Variants in RNF19B observed in about 807,000 individuals in gnomAD.
RNF19B encodes the protein ring finger protein 19B.
RNF19B carries 23 observed loss-of-function variants against 65.5 expected under a neutral mutation model. The observed-to-expected ratio is 0.35, with a 90% confidence interval of 0.25 to 0.50. RNF19B has a LOEUF of 0.50. Among genes scored for constraint, RNF19B ranks in the 20% least tolerant of loss-of-function variants. The pLI, the probability that RNF19B is intolerant of heterozygous loss-of-function variation, is 0.98. For missense variants in RNF19B, 794 were observed against 980.0 expected, an observed-to-expected ratio of 0.81 and a Z score of 2.53; for synonymous variants, 372 against 379.6, an observed-to-expected ratio of 0.98 and a Z score of 0.23.
intron 1 of RNF19B, among the ~76,000 whole-genome samples, chr1:32,953,810 C>T (rs1396199684): frequency 6.6e-6 from 1 of 151,332 alleles, no homozygotes; most frequent in East Asian, 1.9e-4. Flanking sequence ...ATTAAGTGGA[C>T]ATCCAGTAGG....
intron 1 of RNF19B, among the ~76,000 whole-genome samples, chr1:32,961,784 G>A (rs1194760673): frequency 2.0e-5 from 3 of 152,042 alleles, no homozygotes; most frequent in African/African-American, 7.2e-5. Context: ...GTTGAGAGTT[G>A]TCACCAAGCT....
At chr1:32,948,171 A>G in intron 3 of RNF19B, 51 bp downstream of exon 3, 1 of 1,587,844 alleles carries the variant, frequency 6.3e-7, no homozygotes, top group Non-Finnish European at 8.6e-7. Context: ...TTTTCCCTAA[A>G]TCAGTAAGAG....
downstream of RNF19B, among the ~76,000 whole-genome samples, chr1:32,933,563 G>C (rs554470629): frequency 1.2e-4 from 19 of 152,158 alleles, no homozygotes; most frequent in African/African-American, 4.6e-4. Flanking sequence ...CCAAGCTATT[G>C]TAACTTTTCT....
chr1:32,934,619 T>G (rs1642067918), downstream of RNF19B, among the ~76,000 whole-genome samples: 1 of 151,952 alleles, frequency 6.6e-6, no homozygotes, highest in African/African-American at 2.4e-5. Context: ...AGGCTGAGGT[T>G]GCAGTGTGCC....
At chr1:32,949,885 T>C (rs1642451477) in intron 1 of RNF19B, 111 bp from the exon 2 acceptor site, 2 of 762,394 alleles carry the variant, frequency 2.6e-6, no homozygotes, top group Non-Finnish European at 4.4e-6. Flanking sequence ...TCACATATGA[T>C]ACAGAGAAAA....
At chr1:32,943,383 G>A (rs1642285071) in intron 6 of RNF19B, among the ~76,000 whole-genome samples, 1 of 151,960 alleles carries the variant, frequency 6.6e-6, no homozygotes, top group African/African-American at 2.4e-5. Flanking sequence ...AGGCCAAGGT[G>A]GGCGGATCAT....
At chr1:32,959,307 G>C (rs1332808615) in intron 1 of RNF19B, among the ~76,000 whole-genome samples, 1 of 152,172 alleles carries the variant, frequency 6.6e-6, no homozygotes, top group African/African-American at 2.4e-5. Flanking sequence ...CATCTGTACA[G>C]AAGATCTGCC....
chr1:32,940,252 G>T (rs924649925), intron 7 of RNF19B, among the ~76,000 whole-genome samples: 2 of 152,162 alleles, frequency 1.3e-5, no homozygotes, highest in African/African-American at 2.4e-5. Context: ...GGCTGTGCTA[G>T]AATTACCTGG....
chr1:32,955,166 T>C (rs1642604960), intron 1 of RNF19B, among the ~76,000 whole-genome samples: 1 of 152,070 alleles, frequency 6.6e-6, no homozygotes. Flanking sequence ...TTAATCTCAG[T>C]CTAGTATACT....
chr1:32,963,906 T>A, intron 1 of RNF19B, 145 bp downstream of exon 1: 1 of 1,301,484 alleles, frequency 7.7e-7, no homozygotes, highest in African/African-American at 1.6e-5. Context: ...ACCACTAGTC[T>A]GGGCTTGCCT....
chr1:32,956,087 C>T (rs557503463), intron 1 of RNF19B, among the ~76,000 whole-genome samples: 2 of 151,938 alleles, frequency 1.3e-5, no homozygotes, highest in Admixed American at 6.6e-5. Context: ...AAAATTAGGC[C>T]GGGCATGGTG....
Position 32,944,011 on chromosome 1 carries a change from C to T in RNF19B, c.1402+8G>A. The T allele has an allele frequency of 6.3e-7, 1 of 1,597,504 alleles. No homozygotes were observed. The highest frequency in any genetic ancestry group is 1.3e-5 in the African/African-American group (1 of 74,548). ...AATTCAAATGGAAATAAACATCCTG[C>T]TTTTTACCTGTGATTGGACCATCAT... On this transcript the variant is annotated splice_region_variant and intron_variant, in intron 6 of 8. Transcript: ENST00000235150.
At chr1:32,960,446 C>T (rs1642743132) in intron 1 of RNF19B, among the ~76,000 whole-genome samples, 1 of 152,046 alleles carries the variant, frequency 6.6e-6, no homozygotes, top group Admixed American at 6.6e-5. Flanking sequence ...CTCTACCAGC[C>T]CCAGAAGAAT....
chr1:32,953,375 C>A (rs1642556992), intron 1 of RNF19B, among the ~76,000 whole-genome samples: 1 of 152,048 alleles, frequency 6.6e-6, no homozygotes, highest in Non-Finnish European at 1.5e-5. Flanking sequence ...TCAAAGACCT[C>A]AAATAACGTG....
the RNF19B span, among the ~76,000 whole-genome samples, chr1:32,931,255 T>C: frequency 6.6e-6 from 1 of 152,210 alleles, no homozygotes; most frequent in African/African-American, 2.4e-5. Flanking sequence ...TTTCTGCTGA[T>C]ACAAATTAGC....
chr1:32,943,774 T>C (rs1642296883), intron 6 of RNF19B, among the ~76,000 whole-genome samples: 1 of 152,192 alleles, frequency 6.6e-6, no homozygotes, highest in South Asian at 2.1e-4. Context: ...TCACTACTAC[T>C]ACCAGCATAC....
At chr1:32,931,840 C>G (rs917468030), downstream of RNF19B, among the ~76,000 whole-genome samples, 2 of 152,182 alleles carry the variant, frequency 1.3e-5, no homozygotes, top group Non-Finnish European at 1.5e-5. Flanking sequence ...GAGGTGCCAA[C>G]GTCTTTTCTC....
At chr1:32,954,085 A>AT (rs1296295532) in intron 1 of RNF19B, among the ~76,000 whole-genome samples, 1 of 149,984 alleles carries the variant, frequency 6.7e-6, no homozygotes, top group Non-Finnish European at 1.5e-5. Flanking sequence ...CATTTTTTGT[A>AT]TTTTTAGTAG....
chr1:32,952,442 A>AC (rs1642526680), intron 1 of RNF19B, among the ~76,000 whole-genome samples: 1 of 146,968 alleles, frequency 6.8e-6, no homozygotes, highest in South Asian at 2.1e-4. Flanking sequence ...AAAAAAAAAA[A>AC]AAAAAAAAAA....
Sources: gnomAD v4.1 joint callset for allele counts (sites outside exome capture counted in the v4.1 genomes callset) on GRCh38, gnomAD v4.1.1 for gene constraint, MANE v1.5 for transcripts, NCBI Gene and HGNC (gene_info 2026-07-23, HGNC 2026-07-21) for gene names.